Variants in SPINK5 observed in about 807,000 individuals in gnomAD.
The protein encoded by SPINK5 is serine protease inhibitor Kazal-type 5.
SPINK5 carries 125 observed loss-of-function variants against 151.8 expected under a neutral mutation model. That is an observed-to-expected ratio of 0.82 (90% CI 0.71 to 0.96). The LOEUF is 0.96. Ranked by LOEUF, SPINK5 falls within the 40% of genes least tolerant of loss-of-function variation. The probability of loss-of-function intolerance (pLI) is 0.00; values close to 1 mark genes in which losing one functional copy is unlikely to be tolerated. For synonymous variants in SPINK5, 374 were observed against 395.3 expected (o/e 0.95, Z 0.64); for missense variants, 1,194 against 1,291.9 (o/e 0.92, Z 1.16).
intron 25 of SPINK5, 61 bp from the exon 26 acceptor site, chr5:148,120,234 T>C: frequency 6.2e-7 from 1 of 1,608,720 alleles, no homozygotes; most frequent in East Asian, 2.2e-5. Flanking sequence ...TAGAAGCAGA[T>C]CTGGTAATTA....
chr5:148,091,362 C>T (rs900613271), intron 8 of SPINK5, 134 bp downstream of exon 8: 1 of 749,808 alleles, frequency 1.3e-6, no homozygotes, highest in South Asian at 1.8e-5. Flanking sequence ...TATCAAAATT[C>T]CCCAAATTGA....
At chr5:148,136,929 A>C in intron 32 of SPINK5, 54 bp from the exon 33 acceptor site, 1 of 1,609,178 alleles carries the variant, frequency 6.2e-7, no homozygotes, top group Non-Finnish European at 8.5e-7. Context: ...TACAGCCCAC[A>C]TTTCTGCAAT....
At chr5:148,134,117 A>ATC in intron 32 of SPINK5, 1 of 578,776 alleles carries the variant, frequency 1.7e-6, no homozygotes, top group Non-Finnish European at 3.2e-6. Context: ...GTCCATTAAT[A>ATC]GATTGTTTAT....
intron 15 of SPINK5, 25 bp downstream of exon 15, chr5:148,101,933 C>T (rs752308480): frequency 9.3e-6 from 15 of 1,612,758 alleles, no homozygotes; most frequent in East Asian, 2.2e-5. Context: ...AGCCCCATAG[C>T]GTCTGAGGAT....
rs1161544697 is a variant in SPINK5 at position 148,120,396 on chromosome 5, T to C, written c.2538+5T>C. ...GAAAGGAGCAATGACAAAGAGGTAA[T>C]AGATGTTAGACACGCTAATACCTGA... On this transcript the variant is annotated splice_donor_5th_base_variant and intron_variant, in intron 26 of 32. Transcript: ENST00000256084. The C allele has an allele frequency of 1.3e-6, 2 of 1,592,348 alleles. No homozygotes were observed. Among genetic ancestry groups the C allele is most frequent in the Admixed American group, 1.7e-5 (1 of 57,750 alleles).
At chr5:148,113,431 C>A (rs72660260) in intron 20 of SPINK5, among the ~76,000 whole-genome samples, 23,260 of 152,194 alleles carry the variant, frequency 0.15, 2,440 homozygotes, top group East Asian at 0.32. Context: ...CCTGATACCA[C>A]AGCCAGCCTT....
At position 148,114,429 on chromosome 5, in the gene SPINK5, C is replaced by T. The variant is rs191160111; in HGVS notation, c.1955C>T (p.Pro652Leu). ...CTTTTCTGCACAAGAGAAAATGATCCTGTGCGTGGCCCAGATGGCAAGACC... is the reference window on the plus strand; with the variant it reads ...CTTTTCTGCACAAGAGAAAATGATCTTGTGCGTGGCCCAGATGGCAAGACC... ...GKLFCTREND[P>L]VRGPDGKTHG... Residue 652 changes from proline to leucine, a missense_variant, in exon 21 of 33, where the codon CCT becomes CTT. Transcript: ENST00000256084. 39 of 1,613,740 alleles carry T rather than the reference C, an allele frequency of 2.4e-5. No homozygotes were observed. The highest frequency in any genetic ancestry group is 3.3e-4 in the Middle Eastern group (2 of 6,060).
chr5:148,072,047 G>A, intron 3 of SPINK5, 101 bp from the exon 4 acceptor site: 1 of 1,102,734 alleles, frequency 9.1e-7, no homozygotes. Context: ...TGCCAGGCTA[G>A]GCTGAGGAGA....
intron 13 of SPINK5, 62 bp from the exon 14 acceptor site, chr5:148,101,293 A>G: frequency 8.6e-7 from 1 of 1,164,242 alleles, no homozygotes; most frequent in Non-Finnish European, 1.3e-6. Context: ...TATATTTGAG[A>G]TCACTTCTAA....
At chr5:148,111,992 G>C (rs1446968504) in intron 19 of SPINK5, 97 bp downstream of exon 19, 1 of 1,569,840 alleles carries the variant, frequency 6.4e-7, no homozygotes, top group Admixed American at 1.7e-5. Context: ...CCAGGAGATA[G>C]ATAATAAAGG....
intron 2 of SPINK5, among the ~76,000 whole-genome samples, chr5:148,068,025 TCATTA>T (rs1752630285): frequency 6.6e-6 from 1 of 152,172 alleles, no homozygotes; most frequent in Admixed American, 6.5e-5. Flanking sequence ...GGATATATTT[TCATTA>T]CAAAGACCCC....
intron 4 of SPINK5, among the ~76,000 whole-genome samples, chr5:148,083,528 A>G (rs1247880452): frequency 6.6e-6 from 1 of 151,262 alleles, no homozygotes; most frequent in Non-Finnish European, 1.5e-5. Flanking sequence ...TTTTGTTCTT[A>G]TTATGACTAT....
chr5:148,095,929 A>T, intron 10 of SPINK5, 24 bp downstream of exon 10: 1 of 1,572,254 alleles, frequency 6.4e-7, no homozygotes, highest in Non-Finnish European at 8.7e-7. Flanking sequence ...TGATCAATCT[A>T]GTTACAACTT....
In SPINK5 at chr5:148,114,345, T is replaced by G. The variant is rs1343657424; in HGVS notation, c.1888-17T>G. ...CCCAGAAGATACTCAAGCTTTCTCC[T>G]TTTCTTTTCCTTTTAGGAGACATGC... On this transcript the variant is annotated splice_polypyrimidine_tract_variant and intron_variant, in intron 20 of 32. Coordinates refer to ENST00000256084, the MANE Select transcript of SPINK5 (RefSeq NM_006846.4). The G allele has an allele frequency of 1.2e-6, 2 of 1,607,896 alleles. No homozygotes were observed. Among genetic ancestry groups the G allele is most frequent in the African/African-American group, 2.7e-5 (2 of 74,712 alleles).
At chr5:148,073,173 T>A (rs1220399293) in intron 4 of SPINK5, among the ~76,000 whole-genome samples, 1 of 151,860 alleles carries the variant, frequency 6.6e-6, no homozygotes, top group African/African-American at 2.4e-5. Flanking sequence ...TTCACTAATT[T>A]CCACTTTCTT....
chr5:148,131,931 C>T (rs1754583846), intron 31 of SPINK5, among the ~76,000 whole-genome samples: 2 of 152,168 alleles, frequency 1.3e-5, no homozygotes, highest in Admixed American at 1.3e-4. Context: ...ATATTTATGA[C>T]TATCTGGGTA....
chr5:148,102,995 A>T (rs1753688829), intron 15 of SPINK5, among the ~76,000 whole-genome samples: 1 of 152,004 alleles, frequency 6.6e-6, no homozygotes, highest in South Asian at 2.1e-4. Flanking sequence ...ATTTTTGACT[A>T]AAAAAACCCC....
intron 28 of SPINK5, among the ~76,000 whole-genome samples, chr5:148,125,098 G>A (rs1311774639): frequency 6.6e-6 from 1 of 152,092 alleles, no homozygotes; most frequent in East Asian, 1.9e-4. Flanking sequence ...AATATGGATT[G>A]AAAAGTAGAG....
At chr5:148,107,246 AG>A in intron 17 of SPINK5, 82 bp downstream of exon 17, 2 of 1,556,914 alleles carry the variant, frequency 1.3e-6, no homozygotes, top group Non-Finnish European at 1.7e-6. Flanking sequence ...GCATGTGTAG[AG>A]TATAGACCGT....
Sources: gnomAD v4.1 joint callset for allele counts (sites outside exome capture counted in the v4.1 genomes callset) on GRCh38, gnomAD v4.1.1 for gene constraint, MANE v1.5 for transcripts, NCBI Gene and HGNC (gene_info 2026-07-23, HGNC 2026-07-21) for gene names.